The following PECR variants were observed in gnomAD, a reference collection of about 807,000 sequenced individuals.
PECR encodes the protein 2,4-dienoyl-CoA reductase-related protein.
Under a neutral mutation model 35.3 loss-of-function variants are expected in PECR, and 30 were observed. That is an observed-to-expected ratio of 0.85 (90% CI 0.64 to 1.15). The LOEUF (loss-of-function observed/expected upper bound fraction) is 1.15, where lower values mean the gene tolerates loss of function less well. Ranked by LOEUF, PECR falls within the 50% of genes most tolerant of loss-of-function variation. PECR has a pLI of 0.00. For synonymous variants in PECR, 148 were observed against 138.9 expected (o/e 1.07, Z -0.46); for missense variants, 392 against 370.8 (o/e 1.06, Z -0.47).
At chr2:216,032,871 A>T (rs928176750) in intron 7 of PECR, 1 of 150,672 alleles carries the variant, frequency 6.6e-6, no homozygotes, top group Non-Finnish European at 1.5e-5. Context: ...AAATCCTTGT[A>T]AACAAGGAGT....
At chr2:216,029,379 G>A (rs535493075) in intron 7 of PECR, among the ~76,000 whole-genome samples, 1 of 152,308 alleles carries the variant, frequency 6.6e-6, no homozygotes, top group African/African-American at 2.4e-5. Flanking sequence ...TCAGGAGGCT[G>A]AGGCAGGCGA....
chr2:216,049,053 T>C (rs1695052103), intron 6 of PECR, among the ~76,000 whole-genome samples: 1 of 152,172 alleles, frequency 6.6e-6, no homozygotes, highest in Admixed American at 6.6e-5. Context: ...ATGCTGTTAT[T>C]AATTTATACC....
intron 3 of PECR, among the ~76,000 whole-genome samples, chr2:216,060,284 T>C (rs1048517568): frequency 2.0e-5 from 3 of 152,198 alleles, no homozygotes; most frequent in African/African-American, 7.2e-5. Flanking sequence ...CATATATTTA[T>C]TTATTTCCTA....
chr2:216,049,172 TGTC>T, intron 6 of PECR, 88 bp downstream of exon 6: 1 of 778,152 alleles, frequency 1.3e-6, no homozygotes, highest in Non-Finnish European at 2.4e-6. Flanking sequence ...GGAGAAATAA[TGTC>T]GTCCAGACCG....
intron 5 of PECR, among the ~76,000 whole-genome samples, chr2:216,050,170 C>T (rs374340559): frequency 2.0e-5 from 3 of 152,088 alleles, no homozygotes; most frequent in African/African-American, 4.8e-5. Context: ...TGCAGTGAGC[C>T]GTGATCGCAC....
At position 216,044,034 on chromosome 2, in the gene PECR, A is replaced by G. The variant is rs772075274; in HGVS notation, c.715-19T>C. 5 of 1,333,542 alleles carry G rather than the reference A, an allele frequency of 3.7e-6. No individual in the cohort carries two copies. The highest frequency in any genetic ancestry group is 1.2e-5 in the South Asian group (1 of 85,446). The allele number at this position is 1,333,542 out of a possible 1,614,324, so 82.6% of individuals were successfully genotyped here. A position where few individuals can be genotyped will look rare whatever the true frequency, so the allele number is the denominator to read the frequency against. ...AGGAGACCTGGAAACAGAAACACAC[A>G]TGTGCATAGGTAAAAGCAAATACTC... On this transcript the variant is annotated intron_variant, in intron 6 of 7. Transcript: ENST00000265322.
chr2:216,061,129 CAAAAAAA>C (rs151215904), intron 3 of PECR, among the ~76,000 whole-genome samples: 5 of 52,390 alleles, frequency 9.5e-5, no homozygotes, highest in Non-Finnish European at 1.7e-4. Context: ...CCGGCTCTAC[CAAAAAAA>C]AAAAAAAAAA....
intron 1 of PECR, among the ~76,000 whole-genome samples, chr2:216,074,866 G>A (rs1695664897): frequency 6.6e-6 from 1 of 152,136 alleles, no homozygotes; most frequent in South Asian, 2.1e-4. Flanking sequence ...GCAATGCTGG[G>A]TAAAATAAAA....
rs114059821 is a variant in PECR at position 216,041,347 on chromosome 2, C to T, written c.827-1987G>A. Among the ~76,000 whole-genome samples the T allele has an allele frequency of 5.0e-3, 758 of 152,262 alleles. 5 individuals are homozygous for T. Among genetic ancestry groups the T allele is most frequent in the Non-Finnish European group, 7.5e-3 (512 of 68,026 alleles). On this transcript the variant is annotated intron_variant, in intron 7 of 7. Transcript: ENST00000265322. ...GGAAAGATTCTCTCCACCCTCACTA[C>T]TTGGAATTTTTTTCAGAAAACAATA...
At chr2:216,034,011 T>C (rs1694753011), downstream of PECR, 1 of 152,324 alleles carries the variant, frequency 6.6e-6, no homozygotes, top group East Asian at 1.9e-4. Context: ...CTTATTTCAA[T>C]AGATGGCTCC....
intron 3 of PECR, among the ~76,000 whole-genome samples, chr2:216,064,954 T>C (rs1038701715): frequency 2.2e-4 from 33 of 152,314 alleles, no homozygotes; most frequent in African/African-American, 7.2e-4. Context: ...TCTGGTATTC[T>C]CCCTGAATTT....
rs1010934303 is a variant in PECR, at chr2:216,056,993, C to T, written c.506+1902G>A. ...AAGCTGTGTTTTTTTTCTAGCCAAC[C>T]GAATATCAGAAAAGCCAGTGATTTC... On this transcript the variant is annotated intron_variant, in intron 4 of 7. Transcript: ENST00000265322. 2.0e-5 allele frequency among the ~76,000 whole-genome samples: 3 copies of T among 151,682 alleles called. 1 individual carries two copies. Among genetic ancestry groups the T allele is most frequent in the African/African-American group, 7.3e-5 (3 of 41,208 alleles).
chr2:216,057,576 A>G (rs934040266), intron 4 of PECR: 3 of 152,190 alleles, frequency 2.0e-5, no homozygotes, highest in African/African-American at 7.2e-5. Context: ...TTCTTCCAAG[A>G]TGCTAAAATA....
At chr2:216,033,439 A>G (rs1694742560), downstream of PECR, among the ~76,000 whole-genome samples, 1 of 152,088 alleles carries the variant, frequency 6.6e-6, no homozygotes, top group South Asian at 2.1e-4. Flanking sequence ...ACTCCAGTGC[A>G]CTCTAAAATC....
intron 7 of PECR, among the ~76,000 whole-genome samples, chr2:216,043,103 G>A (rs75806446): frequency 0.065 from 7,824 of 120,068 alleles, 1,003 homozygotes; most frequent in African/African-American, 0.23. Context: ...ATATGTATGC[G>A]TATATATATA....
At chr2:216,031,432 AGAAAGAAAGAAAAAGAAAGAAAGAG>A (rs1446743866) in intron 7 of PECR, among the ~76,000 whole-genome samples, 2 of 143,296 alleles carry the variant, frequency 1.4e-5, no homozygotes, top group Admixed American at 7.4e-5. Flanking sequence ...AAGAAAGAAA[AGAAAGAAAGAAAAAGAAAGAAAGAG>A]AGAAAGAAAG....
At chr2:216,078,504 C>G (rs920291001) in intron 1 of PECR, among the ~76,000 whole-genome samples, 5 of 151,032 alleles carry the variant, frequency 3.3e-5, no homozygotes, top group African/African-American at 1.2e-4. Context: ...CAGAGAATTG[C>G]TTGAACCTGG....
chr2:216,071,928 A>G (rs57990454), intron 1 of PECR, among the ~76,000 whole-genome samples: 8,863 of 152,184 alleles, frequency 0.058, 684 homozygotes, highest in African/African-American at 0.17. Flanking sequence ...ACTTTTTCCC[A>G]TTGACTATTT....
At chr2:216,078,119 CAA>C (rs999631064) in intron 1 of PECR, among the ~76,000 whole-genome samples, 3 of 149,930 alleles carry the variant, frequency 2.0e-5, no homozygotes, top group African/African-American at 7.4e-5. Flanking sequence ...AAACCAAAAA[CAA>C]AAAACAGTGG....
Sources: allele counts gnomAD v4.1 joint callset (sites outside exome capture counted in the v4.1 genomes callset), GRCh38; gene constraint gnomAD v4.1.1; transcripts MANE v1.5; gene names NCBI Gene and HGNC (gene_info 2026-07-23, HGNC 2026-07-21).